The following SAMD5 variants were observed in gnomAD, a reference collection of about 807,000 sequenced individuals.
SAMD5 encodes the protein sterile alpha motif domain-containing protein 5.
SAMD5 carries 13 observed loss-of-function variants against 11.3 expected under a neutral mutation model. That is an observed-to-expected ratio of 1.15 (90% CI 0.75 to 1.83). The LOEUF is 1.83. Ranked by LOEUF, SAMD5 falls within the 40% of genes most tolerant of loss-of-function variation. The pLI, the probability that SAMD5 is intolerant of heterozygous loss-of-function variation, is 0.00. For synonymous variants in SAMD5, 129 were observed against 111.3 expected (o/e 1.16, Z -1.00); for missense variants, 255 against 239.1 (o/e 1.07, Z -0.44).
At position 147,521,162 on chromosome 6, in the gene SAMD5, G is replaced by C. The variant is rs559416886; in HGVS notation, c.459+11775G>C. Among the ~76,000 whole-genome samples, 54 of 152,022 alleles carry C rather than the reference G, an allele frequency of 3.6e-4. 1 individual carries two copies. The highest frequency in any genetic ancestry group is 1.0e-3 in the African/African-American group (42 of 41,496). On this transcript the variant is annotated intron_variant, in intron 1 of 1. Transcript: ENST00000367474. Reference sequence around the variant, plus strand: ...TTTTTTTATTATTTGAAAATGTCACGTTTGAGAAGTGGTATTTCATCATTC... The same window carrying C: ...TTTTTTTATTATTTGAAAATGTCACCTTTGAGAAGTGGTATTTCATCATTC...
chr6:147,726,551 C>T (rs1011143813), intron 1 of SAMD5, among the ~76,000 whole-genome samples: 1 of 152,192 alleles, frequency 6.6e-6, no homozygotes, highest in Non-Finnish European at 1.5e-5. Flanking sequence ...CAGGCCCAGG[C>T]CCCGGCCCTC....
chr6:147,828,699 G>C, the SAMD5 span, among the ~76,000 whole-genome samples: 1 of 152,154 alleles, frequency 6.6e-6, no homozygotes, highest in Non-Finnish European at 1.5e-5. Context: ...CCTTGTGATG[G>C]TGTGAGTTAA....
the SAMD5 span, among the ~76,000 whole-genome samples, chr6:147,755,328 T>C: frequency 6.6e-6 from 1 of 152,234 alleles, no homozygotes; most frequent in Non-Finnish European, 1.5e-5. Flanking sequence ...CTATAGTAAA[T>C]GGTATTACTT....
the SAMD5 span, among the ~76,000 whole-genome samples, chr6:147,840,037 T>C: frequency 6.6e-6 from 1 of 152,206 alleles, no homozygotes; most frequent in Non-Finnish European, 1.5e-5. Context: ...ATTAGTTCTG[T>C]TGTTTAATTT....
the SAMD5 span, among the ~76,000 whole-genome samples, chr6:147,812,381 G>A: frequency 7.9e-5 from 12 of 152,198 alleles, no homozygotes; most frequent in South Asian, 4.2e-4. Flanking sequence ...GGGTGAATGG[G>A]TGTGTCTCTC....
the SAMD5 span, among the ~76,000 whole-genome samples, chr6:147,795,241 G>C: frequency 1.6e-5 from 2 of 125,462 alleles, no homozygotes; most frequent in Non-Finnish European, 3.2e-5. Context: ...ACAGTCCCCA[G>C]AGTGTGATGT....
chr6:147,743,656 C>A, the SAMD5 span, among the ~76,000 whole-genome samples: 1 of 152,128 alleles, frequency 6.6e-6, no homozygotes, highest in Non-Finnish European at 1.5e-5. Context: ...TCTGCTTTTT[C>A]ATCTCTTGAA....
At chr6:147,724,373 T>C (rs530403025) in intron 1 of SAMD5, among the ~76,000 whole-genome samples, 50 of 152,188 alleles carry the variant, frequency 3.3e-4, no homozygotes, top group South Asian at 6.2e-4. Context: ...ATTTTAAGCT[T>C]TATCCAATTA....
the SAMD5 span, among the ~76,000 whole-genome samples, chr6:147,924,488 C>A: frequency 1.3e-5 from 2 of 152,062 alleles, no homozygotes; most frequent in Admixed American, 6.6e-5. Context: ...CTTTTCAGAA[C>A]ATAAGCCTGA....
At chr6:147,870,694 A>G in the SAMD5 span, among the ~76,000 whole-genome samples, 1 of 150,848 alleles carries the variant, frequency 6.6e-6, no homozygotes, top group Admixed American at 6.6e-5. Context: ...GCCAGACTGC[A>G]CACATCAAGA....
chr6:147,925,922 A>C, the SAMD5 span, among the ~76,000 whole-genome samples: 12 of 152,246 alleles, frequency 7.9e-5, no homozygotes, highest in African/African-American at 2.9e-4. Flanking sequence ...CCCACTTATG[A>C]AGTAAGAAAA....
chr6:147,544,938 A>G (rs1788662910), intron 1 of SAMD5, among the ~76,000 whole-genome samples: 1 of 152,166 alleles, frequency 6.6e-6, no homozygotes, highest in African/African-American at 2.4e-5. Flanking sequence ...ATACTAGTAG[A>G]AAATTTATGG....
chr6:147,693,277 C>G (rs139531591), intron 1 of SAMD5, among the ~76,000 whole-genome samples: 87 of 152,346 alleles, frequency 5.7e-4, no homozygotes, highest in African/African-American at 2.0e-3. Context: ...CCTTCTTCCC[C>G]ACATTGTAAT....
At chr6:147,794,947 A>G in the SAMD5 span, among the ~76,000 whole-genome samples, 1 of 152,058 alleles carries the variant, frequency 6.6e-6, no homozygotes, top group Non-Finnish European at 1.5e-5. Context: ...ACAGACAGGG[A>G]CCTCAAGATA....
the SAMD5 span, among the ~76,000 whole-genome samples, chr6:147,774,974 TG>T: frequency 6.6e-6 from 1 of 152,132 alleles, no homozygotes; most frequent in African/African-American, 2.4e-5. Context: ...CTTGAGATTA[TG>T]GAAGAAGGCC....
At chr6:147,745,114 AATTCCTCTATTT>A in the SAMD5 span, among the ~76,000 whole-genome samples, 1 of 152,110 alleles carries the variant, frequency 6.6e-6, no homozygotes, top group Non-Finnish European at 1.5e-5. Flanking sequence ...TTAAAAACAA[AATTCCTCTATTT>A]TAGAGCTATA....
downstream of SAMD5, among the ~76,000 whole-genome samples, chr6:147,740,377 A>G (rs892280504): frequency 2.0e-5 from 3 of 152,188 alleles, no homozygotes; most frequent in Non-Finnish European, 2.9e-5. Flanking sequence ...TGAAGATAAC[A>G]CTAGGCCAGA....
chr6:147,587,553 G>A (rs1156934110), intron 1 of SAMD5, among the ~76,000 whole-genome samples: 1 of 152,058 alleles, frequency 6.6e-6, no homozygotes, highest in Non-Finnish European at 1.5e-5. Context: ...AATGACTATT[G>A]ATGCTGTTCT....
chr6:147,747,158 T>C, the SAMD5 span, among the ~76,000 whole-genome samples: 10 of 152,340 alleles, frequency 6.6e-5, no homozygotes, highest in East Asian at 1.9e-3. Context: ...AAAGAATCCC[T>C]GTGGGACATG....
Sources: allele counts gnomAD v4.1 joint callset (sites outside exome capture counted in the v4.1 genomes callset), GRCh38; gene constraint gnomAD v4.1.1; transcripts MANE v1.5; gene names NCBI Gene and HGNC (gene_info 2026-07-23, HGNC 2026-07-21).